Variants in MALRD1 observed in about 807,000 individuals in gnomAD.
The protein encoded by MALRD1 is MAM and LDL-receptor class A domain-containing protein 1.
A neutral mutation model predicts 242.1 loss-of-function variants in MALRD1; 247 were observed. The ratio of observed to expected loss-of-function variants is 1.02; its 90% CI spans 0.92 to 1.13. The LOEUF (loss-of-function observed/expected upper bound fraction) is 1.13. Among genes scored for constraint, MALRD1 ranks in the 50% most tolerant of loss-of-function variants. The pLI, the probability that MALRD1 is intolerant of heterozygous loss-of-function variation, is 0.00. For synonymous variants in MALRD1, 995 were observed against 866.6 expected, an observed-to-expected ratio of 1.15 and a Z score of -2.60; for missense variants, 2,989 against 2,533.1, an observed-to-expected ratio of 1.18 and a Z score of -3.86.
chr10:19,412,182 T>TGAGATTGAGG (rs1264423930), intron 28 of MALRD1, among the ~76,000 whole-genome samples: 6 of 152,048 alleles, frequency 3.9e-5, no homozygotes, highest in African/African-American at 1.4e-4. Flanking sequence ...TCCCAGCTAC[T>TGAGATTGAGG]CGGGAGGCTG....
chr10:19,621,881 A>G (rs1202867485), intron 36 of MALRD1, among the ~76,000 whole-genome samples: 1 of 151,818 alleles, frequency 6.6e-6, no homozygotes, highest in Non-Finnish European at 1.5e-5. Flanking sequence ...TTGGCATTAG[A>G]CTTCTGAAAA....
intron 24 of MALRD1, among the ~76,000 whole-genome samples, chr10:19,341,729 G>A (rs1345988612): frequency 6.6e-6 from 1 of 151,804 alleles, no homozygotes; most frequent in Admixed American, 6.6e-5. Flanking sequence ...TTTGACTAAA[G>A]AATGAAAAAT....
At chr10:19,449,746 T>A (rs2131034739) in intron 28 of MALRD1, among the ~76,000 whole-genome samples, 1 of 152,312 alleles carries the variant, frequency 6.6e-6, no homozygotes, top group Non-Finnish European at 1.5e-5. Context: ...CTATGCTTAG[T>A]ACCTGGTTGA....
chr10:19,649,668 AT>A (rs1475260350), intron 36 of MALRD1, among the ~76,000 whole-genome samples: 16 of 151,944 alleles, frequency 1.1e-4, no homozygotes, highest in Non-Finnish European at 2.1e-4. Flanking sequence ...ATTTTCTCCC[AT>A]TTTGTGGGTT....
intron 21 of MALRD1, among the ~76,000 whole-genome samples, chr10:19,310,701 T>C (rs1404640329): frequency 6.6e-6 from 1 of 151,520 alleles, no homozygotes; most frequent in Non-Finnish European, 1.5e-5. Context: ...TCCATGCAAT[T>C]AATCCATCTG....
Position 19,613,929 on chromosome 10 carries a change from C to G in MALRD1, c.6071-1928C>G, listed in dbSNP as rs577089904. ...GCTGATTCTCTCTGGAAAGCTTTTT[C>G]TTACTCCCCAAACGTGACCGAAGTG... is the stretch of plus-strand genomic sequence containing the variant. On this transcript the variant is annotated intron_variant, in intron 35 of 39. Coordinates refer to ENST00000454679, the MANE Select transcript of MALRD1 (RefSeq NM_001142308.3). 3.9e-5 allele frequency among the ~76,000 whole-genome samples: 6 copies of G among 152,098 alleles called. No homozygotes were observed. In the East Asian group the frequency reaches 9.7e-4, roughly 25 times the overall value.
chr10:19,172,754 C>T (rs1313583074), intron 13 of MALRD1, among the ~76,000 whole-genome samples: 2 of 149,952 alleles, frequency 1.3e-5, no homozygotes, highest in African/African-American at 2.4e-5. Flanking sequence ...AAGAATTAAA[C>T]ATCTATTTTA....
intron 36 of MALRD1, among the ~76,000 whole-genome samples, chr10:19,639,440 T>TA (rs1589344825): frequency 6.6e-6 from 1 of 152,298 alleles, no homozygotes; most frequent in East Asian, 1.9e-4. Flanking sequence ...CCATACCCTT[T>TA]AAGGCAACAT....
At chr10:19,329,989 C>A in intron 23 of MALRD1, among the ~76,000 whole-genome samples, 1 of 152,094 alleles carries the variant, frequency 6.6e-6, no homozygotes, top group East Asian at 1.9e-4. Context: ...AGCATTGCAG[C>A]ATATGTTGAA....
At chr10:19,086,603 T>C (rs976978481) in intron 2 of MALRD1, among the ~76,000 whole-genome samples, 3 of 152,088 alleles carry the variant, frequency 2.0e-5, no homozygotes, top group Non-Finnish European at 2.9e-5. Flanking sequence ...TAGGAAAAGC[T>C]GGGACTATCT....
At chr10:19,327,752 A>G (rs1433474588) in intron 23 of MALRD1, 79 bp downstream of exon 23, 12 of 1,150,562 alleles carry the variant, frequency 1.0e-5, no homozygotes, top group Non-Finnish European at 1.3e-6. Flanking sequence ...CTCTACTCAC[A>G]GTCTTCTTGC....
chr10:19,371,638 G>T (rs1015364459), intron 26 of MALRD1, among the ~76,000 whole-genome samples: 1 of 152,018 alleles, frequency 6.6e-6, no homozygotes, highest in Non-Finnish European at 1.5e-5. Context: ...CTAGATTTTA[G>T]CTAATCATAG....
intron 18 of MALRD1, among the ~76,000 whole-genome samples, chr10:19,247,916 G>T (rs756682415): frequency 9.2e-5 from 14 of 152,176 alleles, no homozygotes; most frequent in Non-Finnish European, 1.6e-4. Context: ...ACCAGGAGAA[G>T]TTCAGAGAGC....
intron 18 of MALRD1, among the ~76,000 whole-genome samples, chr10:19,233,760 T>C (rs1838183543): frequency 6.6e-6 from 1 of 152,108 alleles, no homozygotes; most frequent in Non-Finnish European, 1.5e-5. Context: ...TTAGTGCTAA[T>C]TTGTTTCAAT....
chr10:19,407,796 G>A (rs192919164), intron 28 of MALRD1, among the ~76,000 whole-genome samples: 108 of 152,278 alleles, frequency 7.1e-4, no homozygotes, highest in African/African-American at 2.4e-3. Flanking sequence ...AGTAGTAAGT[G>A]ATATTGAAGC....
chr10:19,537,338 C>G (rs1042831327), intron 32 of MALRD1, among the ~76,000 whole-genome samples: 4 of 152,226 alleles, frequency 2.6e-5, no homozygotes, highest in South Asian at 4.1e-4. Context: ...TTGCTATTAC[C>G]AAATACCATT....
intron 18 of MALRD1, among the ~76,000 whole-genome samples, chr10:19,219,295 A>G (rs188770125): frequency 1.2e-3 from 188 of 152,304 alleles, no homozygotes; most frequent in African/African-American, 4.4e-3. Flanking sequence ...ATATAAAAAC[A>G]TACTATACTA....
intron 38 of MALRD1, among the ~76,000 whole-genome samples, chr10:19,707,703 CTTTGGGAGG>C (rs1313855227): frequency 2.9e-5 from 4 of 135,912 alleles, no homozygotes; most frequent in African/African-American, 1.0e-4. Context: ...AATCCCAGTG[CTTTGGGAGG>C]CCAAGGTGGG....
intron 5 of MALRD1, among the ~76,000 whole-genome samples, chr10:19,116,132 GA>G (rs903851378): frequency 4.0e-5 from 6 of 150,822 alleles, no homozygotes; most frequent in South Asian, 2.1e-4. Context: ...TAGCTAGTAT[GA>G]AAAAAAAATC....
Sources: gnomAD v4.1 joint callset for allele counts (sites outside exome capture counted in the v4.1 genomes callset) on GRCh38, gnomAD v4.1.1 for gene constraint, MANE v1.5 for transcripts, NCBI Gene and HGNC (gene_info 2026-07-23, HGNC 2026-07-21) for gene names.